Variants in SLC8A2 observed in about 807,000 individuals in gnomAD.
SLC8A2 encodes solute carrier family 8 member A2, also known as sodium/calcium exchanger 2.
Under a neutral mutation model 70.2 loss-of-function variants are expected in SLC8A2, and 14 were observed. The ratio of observed to expected loss-of-function variants is 0.20; its 90% confidence interval spans 0.13 to 0.31. SLC8A2 has a LOEUF of 0.31. Ranked by LOEUF, SLC8A2 falls within the 10% of genes least tolerant of loss-of-function variation. The pLI, the probability that SLC8A2 is intolerant of heterozygous loss-of-function variation, is 1.00. For missense variants in SLC8A2, 779 were observed against 1,320.1 expected (o/e 0.59, Z 6.35); for synonymous variants, 575 against 594.3 (o/e 0.97, Z 0.47).
chr19:47,449,573 C>T (rs1296628634), intron 3 of SLC8A2, among the ~76,000 whole-genome samples: 1 of 152,192 alleles, frequency 6.6e-6, no homozygotes, highest in East Asian at 1.9e-4. Flanking sequence ...ATCCGCCTGT[C>T]TTGGCTTCCC....
chr19:47,442,082 C>A (rs1048390358), intron 4 of SLC8A2, among the ~76,000 whole-genome samples: 3 of 152,086 alleles, frequency 2.0e-5, no homozygotes, highest in Non-Finnish European at 4.4e-5. Flanking sequence ...AGCCTGGCAA[C>A]AGAGCGAGAC....
intron 8 of SLC8A2, among the ~76,000 whole-genome samples, chr19:47,436,722 C>T (rs1349890800): frequency 6.6e-6 from 1 of 152,184 alleles, no homozygotes; most frequent in East Asian, 1.9e-4. Context: ...GTCTCTGAGC[C>T]TCAGTCTCCC....
At chr19:47,444,462 G>A (rs1330533018) in intron 4 of SLC8A2, among the ~76,000 whole-genome samples, 1 of 152,092 alleles carries the variant, frequency 6.6e-6, no homozygotes, top group African/African-American at 2.4e-5. Context: ...AGAAAGGGCC[G>A]CCCCCGACCT....
intron 6 of SLC8A2, among the ~76,000 whole-genome samples, 177 bp from the exon 7 acceptor site, chr19:47,438,150 G>C (rs954055396): frequency 6.6e-6 from 1 of 152,150 alleles, no homozygotes; most frequent in African/African-American, 2.4e-5. Context: ...CTGAGGTCCA[G>C]CTCCCAAGGG....
rs1258790950 is a variant in SLC8A2 at position 47,435,549 on chromosome 19, C to CGT, written c.2110+1911_2110+1912dup. Among the ~76,000 whole-genome samples, 756 of 120,324 alleles carry CGT rather than the reference C, an allele frequency of 6.3e-3. 8 individuals carry two copies. Among genetic ancestry groups the CGT allele is most frequent in the African/African-American group, 0.034 (713 of 21,132 alleles). The allele number at this position is 120,324 out of a possible 152,430, so 78.9% of individuals were successfully genotyped here. On this transcript the variant is annotated intron_variant, in intron 8 of 9. Coordinates refer to ENST00000236877, the MANE Select transcript of SLC8A2 (RefSeq NM_015063.3). ...CCGTCTCCTGCTAGTTTCTTTTCTT[C>CGT]GTTTTTTTTTTTTTTTTTAGACGGA...
Position 47,465,672 on chromosome 19 carries a change from T to C in SLC8A2, c.675+57A>G. On this transcript the variant is annotated intron_variant, in intron 2 of 9. Transcript: ENST00000236877. This position sits in a 1 kb window ranked among gnomAD's most constrained non-coding sequence, Gnocchi z 5.5. Reference sequence around the variant, plus strand: ...ATCAACACTCCAAGCCAAGAGCACCTCTCTGGATTTTGCAGACACACATGC... The same window carrying C: ...ATCAACACTCCAAGCCAAGAGCACCCCTCTGGATTTTGCAGACACACATGC... The C allele has an allele frequency of 7.0e-7, 1 of 1,422,494 alleles. No individual in the cohort carries two copies. The highest frequency in any genetic ancestry group is 9.6e-7 in the Non-Finnish European group (1 of 1,044,142). 88.1% of individuals were successfully genotyped at this position (1,422,494 alleles called of 1,614,324 possible). A position where few individuals can be genotyped will look rare whatever the true frequency, so the allele number is the denominator to read the frequency against.
intron 1 of SLC8A2, among the ~76,000 whole-genome samples, chr19:47,470,345 T>TA (rs57212266): frequency 0.091 from 9,959 of 109,154 alleles, 847 homozygotes; most frequent in African/African-American, 0.25. Context: ...CAGGGAGACA[T>TA]CATACACACA....
Position 47,462,115 on chromosome 19 carries a change from CG to C in SLC8A2, c.675+3613del, listed in dbSNP as rs545199877. Among the ~76,000 whole-genome samples, 67 of 152,032 alleles carry C rather than the reference CG, an allele frequency of 4.4e-4. No homozygotes were observed. In the South Asian group the frequency reaches 5.2e-3, roughly 12 times the overall value. On this transcript the variant is annotated intron_variant, in intron 2 of 9. Transcript: ENST00000236877. ...CCTGCCACTAACATTCTTATCCGCACGGGACAGTCCCACACAATGCAGAAAT... is the reference window on the plus strand; with the variant it reads ...CCTGCCACTAACATTCTTATCCGCACGGACAGTCCCACACAATGCAGAAAT...
chr19:47,449,460 T>C (rs1206746101), intron 3 of SLC8A2, among the ~76,000 whole-genome samples: 1 of 152,148 alleles, frequency 6.6e-6, no homozygotes, highest in East Asian at 1.9e-4. Flanking sequence ...CAGCTGGGAC[T>C]ACAGGCGCCT....
chr19:47,459,906 G>A (rs985858359), intron 2 of SLC8A2, among the ~76,000 whole-genome samples: 5 of 151,974 alleles, frequency 3.3e-5, no homozygotes, highest in Non-Finnish European at 4.4e-5. Context: ...CCAGGAACCC[G>A]GACATCCTCA....
In SLC8A2 at chr19:47,428,550, A is replaced by G. The variant is rs2280690; in HGVS notation, c.*1539T>C. 0.15 allele frequency: 22,496 copies of G among 152,334 alleles called. 2,929 individuals are homozygous for G. The highest frequency in any genetic ancestry group is 0.34 in the African/African-American group (14,140 of 41,288). The allele number at this position is 152,334 out of a possible 1,614,324, so 9.4% of individuals were successfully genotyped here. A position where few individuals can be genotyped will look rare whatever the true frequency, so the allele number is the denominator to read the frequency against. ...GCTGCTATATGTGGGTGTGTCCCGC[A>G]GACGACCGCGGGCCGCAAAAACCCA... On this transcript the variant is annotated 3_prime_UTR_variant, in exon 10 of 10. Coordinates refer to ENST00000236877, the MANE Select transcript of SLC8A2 (RefSeq NM_015063.3).
chr19:47,445,660 T>C (rs1460891085), intron 4 of SLC8A2, among the ~76,000 whole-genome samples: 1 of 152,196 alleles, frequency 6.6e-6, no homozygotes, highest in African/African-American at 2.4e-5. Context: ...TAGCCTCCTG[T>C]TCTCTGTCTT....
At position 47,430,482 on chromosome 19, in the gene SLC8A2, T is replaced by G. The variant is rs770100018; in HGVS notation, c.2390-17A>C. On this transcript the variant is annotated splice_polypyrimidine_tract_variant and intron_variant, in intron 9 of 9. Transcript: ENST00000236877. The surrounding 1 kb of genome is among the most constrained non-coding windows in gnomAD (Gnocchi z 5.9). Reference sequence around the variant, plus strand: ...CGAACGTGTCTGCGAGGCAGAGACATACAGGTCGGAGGGGCTTTGCGCCGC... The same window carrying G: ...CGAACGTGTCTGCGAGGCAGAGACAGACAGGTCGGAGGGGCTTTGCGCCGC... The G allele has an allele frequency of 6.3e-7, 1 of 1,583,460 alleles. No homozygotes were observed. Among genetic ancestry groups the G allele is most frequent in the Non-Finnish European group, 8.6e-7 (1 of 1,167,648 alleles).
intron 9 of SLC8A2, among the ~76,000 whole-genome samples, chr19:47,431,060 G>C (rs1966951675): frequency 6.6e-6 from 1 of 151,928 alleles, no homozygotes; most frequent in African/African-American, 2.4e-5. Context: ...ACAGGGTCTT[G>C]CTCTGTTGCC....
chr19:47,439,079 A>T (rs1330468002), intron 6 of SLC8A2, among the ~76,000 whole-genome samples: 1 of 152,122 alleles, frequency 6.6e-6, no homozygotes, highest in Admixed American at 6.5e-5. Flanking sequence ...TTAGCCCCCG[A>T]AAACCTCCCA....
chr19:47,432,692 A>T lies in SLC8A2; in HGVS notation c.2111-247T>A. Reference sequence around the variant, plus strand: ...TTCCCAGAATCCTTTGGATCTAAATATGGCTAAGTCAGCAGTAAAAACAGT... The same window carrying T: ...TTCCCAGAATCCTTTGGATCTAAATTTGGCTAAGTCAGCAGTAAAAACAGT... On this transcript the variant is annotated intron_variant, in intron 8 of 9. Coordinates refer to ENST00000236877, the MANE Select transcript of SLC8A2 (RefSeq NM_015063.3). This position sits in a 1 kb window ranked among gnomAD's most constrained non-coding sequence, Gnocchi z 6.2. 2 of 445,482 alleles carry T rather than the reference A, an allele frequency of 4.5e-6. No individual in the cohort carries two copies. The highest frequency in any genetic ancestry group is 7.8e-6 in the Non-Finnish European group (2 of 254,892). 27.6% of individuals were successfully genotyped at this position (445,482 alleles called of 1,614,324 possible). A position where few individuals can be genotyped will look rare whatever the true frequency, so the allele number is the denominator to read the frequency against.
chr19:47,437,677 A>G, intron 7 of SLC8A2, 116 bp from the exon 8 acceptor site: 2 of 1,141,358 alleles, frequency 1.8e-6, no homozygotes, highest in Non-Finnish European at 2.6e-6. Context: ...AACTTTCCAC[A>G]CCCCCGTTCT....
At position 47,456,931 on chromosome 19, in the gene SLC8A2, T is replaced by C; in HGVS notation, c.1339A>G (p.Ser447Gly). The C allele has an allele frequency of 6.2e-7, 1 of 1,602,228 alleles. No homozygotes were observed. The highest frequency in any genetic ancestry group is 8.5e-7 in the Non-Finnish European group (1 of 1,174,396). ...SAKAGSDYEY[S>G]EGTLVFKPGE... Reference sequence around the variant, plus strand: ...CACCCCCCACCCCGGGGGACCCACCTGTACTCGTAGTCGGAGCCCGCCTTG... The same window carrying C: ...CACCCCCCACCCCGGGGGACCCACCCGTACTCGTAGTCGGAGCCCGCCTTG... The change falls in exon 3 of 10, where the codon AGC (serine) becomes GGC (glycine). Residue 447 changes from serine (S) to glycine (G), a missense_variant and splice_region_variant. Physicochemically the swap from Ser to Gly is moderately conservative, Grantham distance 56. Coordinates refer to ENST00000236877, the MANE Select transcript of SLC8A2 (RefSeq NM_015063.3).
intron 2 of SLC8A2, among the ~76,000 whole-genome samples, chr19:47,461,974 A>G (rs1001088702): frequency 7.2e-5 from 11 of 152,272 alleles, no homozygotes; most frequent in African/African-American, 2.2e-4. Context: ...ATGGGCTGCC[A>G]TCATCACTAG....
Sources: gnomAD v4.1 joint callset for allele counts (sites outside exome capture counted in the v4.1 genomes callset) on GRCh38, gnomAD v4.1.1 for gene constraint, Gnocchi (gnomAD v3.1) non-coding constraint, MANE v1.5 for transcripts, NCBI Gene and HGNC (gene_info 2026-07-23, HGNC 2026-07-21) for gene names.